ZGPAT: variants seen among roughly 807,000 people sequenced by gnomAD.
ZGPAT encodes zinc finger CCCH-type with G patch domain-containing protein.
Under a neutral mutation model 47.9 loss-of-function variants are expected in ZGPAT, and 39 were observed. The observed-to-expected ratio is 0.81, with a 90% CI of 0.63 to 1.06. The LOEUF (loss-of-function observed/expected upper bound fraction) is 1.06. ZGPAT is among the 50% of genes least tolerant of loss of function. ZGPAT has a pLI of 0.00. For synonymous variants in ZGPAT, 348 were observed against 292.9 expected, an observed-to-expected ratio of 1.19 and a Z score of -1.92; for missense variants, 717 against 681.4, an observed-to-expected ratio of 1.05 and a Z score of -0.58.
rs1369204434 is a variant in ZGPAT, at chr20:63,734,799, C to G, written c.966C>G (p.Thr322=). 2.5e-6 allele frequency: 4 copies of G among 1,606,070 alleles called. No individual in the cohort carries two copies. The highest frequency in any genetic ancestry group is 3.4e-6 in the Non-Finnish European group (4 of 1,176,058). ...GAGGTATAGGCTCCAGACTCCTCAC[C>G]AAGATGGGCTATGAGTTTGGCAAGG... ...HTRGIGSRLL[T]KMGYEFGKGL... The change falls in exon 5 of 7, where the codon ACC becomes ACG. Residue 322 remains threonine (T), a synonymous_variant. Coordinates refer to ENST00000355969, the MANE Select transcript of ZGPAT (RefSeq NM_181485.3).
At chr20:63,735,587 G>A (rs747228687) in intron 6 of ZGPAT, 23 bp downstream of exon 6, 3 of 1,511,944 alleles carry the variant, frequency 2.0e-6, no homozygotes, top group Non-Finnish European at 2.7e-6. Context: ...CCCAGCTCAG[G>A]GCAAAGGGCG....
Position 63,708,125 on chromosome 20 carries a change from C to T in ZGPAT, c.-29+7C>T, listed in dbSNP as rs1363791493. On this transcript the variant is annotated splice_region_variant and intron_variant, in intron 1 of 6. Transcript: ENST00000355969. ...CGCCGGGCCGCTCTAGCCGGTGAGG[C>T]CGGCGGGCTCTCTGTGGCTGCGGCT... is the stretch of plus-strand genomic sequence containing the variant. 6.6e-6 allele frequency: 1 copy of T among 152,192 alleles called. No homozygotes were observed. The highest frequency in any genetic ancestry group is 2.4e-5 in the African/African-American group (1 of 41,446). 9.4% of individuals were successfully genotyped at this position (152,192 alleles called of 1,614,324 possible).
chr20:63,733,971 C>T (rs1169548118), intron 4 of ZGPAT: 9 of 575,684 alleles, frequency 1.6e-5, no homozygotes, highest in East Asian at 6.4e-5. Context: ...AGGCCATGGT[C>T]GTGGCTGTGG....
In ZGPAT at chr20:63,735,234, AGT is replaced by A. The variant is rs763850450; in HGVS notation, c.1073_1074del (p.Val358GlyfsTer38). Reference sequence around the variant, plus strand: ...TTGCCTCGAGGGAAGTCGCTGGACCAGTGTGTGGAGACCCTGCAGAAGCAGAC... The same window carrying A: ...TTGCCTCGAGGGAAGTCGCTGGACCAGTGTGGAGACCCTGCAGAAGCAGAC... On this transcript the variant is annotated frameshift_variant, in exon 6 of 7. Transcript: ENST00000355969. LOFTEE classifies it high-confidence loss of function. 6.3e-7 allele frequency: 1 copy of A among 1,594,934 alleles called. No individual in the cohort carries two copies. The highest frequency in any genetic ancestry group is 8.5e-7 in the Non-Finnish European group (1 of 1,171,304).
chr20:63,724,377 AAAAG>A (rs2091821804), intron 2 of ZGPAT, among the ~76,000 whole-genome samples: 1 of 150,564 alleles, frequency 6.6e-6, no homozygotes, highest in African/African-American at 2.5e-5. Flanking sequence ...AAAAAAAAAA[AAAAG>A]AAAAGAAAAG....
chr20:63,733,007 CATGTGTGT>C (rs1380471970), intron 2 of ZGPAT, among the ~76,000 whole-genome samples: 5 of 142,440 alleles, frequency 3.5e-5, no homozygotes, highest in Non-Finnish European at 7.9e-5. Context: ...TGTATATGTG[CATGTGTGT>C]ATGTGTGCGT....
intron 2 of ZGPAT, among the ~76,000 whole-genome samples, chr20:63,732,808 GTGTGTA>G (rs1214264510): frequency 7.0e-6 from 1 of 143,686 alleles, no homozygotes; most frequent in Non-Finnish European, 1.6e-5. Flanking sequence ...ATGTTTATGC[GTGTGTA>G]TGTGTACTTG....
chr20:63,735,682 G>A, intron 6 of ZGPAT, 99 bp from the exon 7 acceptor site: 1 of 1,528,702 alleles, frequency 6.5e-7, no homozygotes, highest in South Asian at 1.2e-5. Flanking sequence ...GGGTCTGCAT[G>A]TTGGAGGACG....
chr20:63,722,028 A>G (rs2091793807), intron 2 of ZGPAT, among the ~76,000 whole-genome samples: 1 of 151,840 alleles, frequency 6.6e-6, no homozygotes, highest in African/African-American at 2.4e-5. Flanking sequence ...AAAAAAAAAA[A>G]AAAAAATGCC....
At chr20:63,714,063 G>A (rs2091700484) in intron 2 of ZGPAT, among the ~76,000 whole-genome samples, 1 of 151,946 alleles carries the variant, frequency 6.6e-6, no homozygotes, top group Admixed American at 6.6e-5. Context: ...TTTCTAGTTT[G>A]CATGGCATTT....
intron 2 of ZGPAT, among the ~76,000 whole-genome samples, chr20:63,710,341 T>C (rs534000622): frequency 6.9e-6 from 1 of 145,410 alleles, no homozygotes; most frequent in Non-Finnish European, 1.5e-5. Context: ...TTTAGTAGAG[T>C]CGGAGATTCA....
chr20:63,735,755 A>G, intron 6 of ZGPAT, 26 bp from the exon 7 acceptor site: 2 of 1,574,220 alleles, frequency 1.3e-6, no homozygotes, highest in Middle Eastern at 1.8e-4. Context: ...CCAGGACCCC[A>G]CGCTGACTAG....
chr20:63,735,617 C>A, intron 6 of ZGPAT, 53 bp downstream of exon 6: 1 of 1,499,828 alleles, frequency 6.7e-7, no homozygotes. Context: ...GGCCCTGCCC[C>A]CGGGATACAT....
At chr20:63,734,482 C>T (rs1165562774) in intron 4 of ZGPAT, 10 of 821,994 alleles carry the variant, frequency 1.2e-5, no homozygotes, top group Non-Finnish European at 1.7e-5. Context: ...TGCACTCTGC[C>T]TGGTGTCACA....
In ZGPAT at chr20:63,735,655, C is replaced by T. The variant is rs150002197; in HGVS notation, c.1397+91C>T. ...TGGAGGTCACCTGACCCAAGCATAG[C>T]GGGCTGAGTCCAGGAGGGGTCTGCA... On this transcript the variant is annotated intron_variant, in intron 6 of 6. Coordinates refer to ENST00000355969, the MANE Select transcript of ZGPAT (RefSeq NM_181485.3). 2,499 of 1,495,296 alleles carry T rather than the reference C, an allele frequency of 1.7e-3. 43 individuals carry two copies. The South Asian group carries it at 0.019, about 11-fold the overall frequency. 92.6% of individuals were successfully genotyped at this position (1,495,296 alleles called of 1,614,324 possible).
chr20:63,735,909 C>CT lies in ZGPAT; in HGVS notation c.1527dup (p.Glu510Ter). 1.2e-6 allele frequency: 2 copies of CT among 1,612,378 alleles called. No homozygotes were observed. Among genetic ancestry groups the CT allele is most frequent in the Non-Finnish European group, 1.7e-6 (2 of 1,179,668 alleles). ...AAGGCAGACACCCACAAGAAGATGA[C>CT]TGAGTTCTAGAGACCCCACAAGCAC... On this transcript the variant is annotated frameshift_variant, in exon 7 of 7. Transcript: ENST00000355969. LOFTEE classifies it high-confidence loss of function.
chr20:63,735,676 C>T lies in ZGPAT; in HGVS notation c.1398-105C>T, dbSNP rs2091980611. The T allele has an allele frequency of 9.2e-6, 14 of 1,524,166 alleles. No individual in the cohort carries two copies. In the South Asian group the frequency reaches 1.6e-4, roughly 18 times the overall value. The allele number at this position is 1,524,166 out of a possible 1,614,324, so 94.4% of individuals were successfully genotyped here. On this transcript the variant is annotated intron_variant, in intron 6 of 6. Transcript: ENST00000355969. ...ATAGCGGGCTGAGTCCAGGAGGGGT[C>T]TGCATGTTGGAGGACGGGCAGCGGG...
intron 2 of ZGPAT, among the ~76,000 whole-genome samples, chr20:63,722,812 G>A (rs1485693589): frequency 6.6e-6 from 1 of 152,042 alleles, no homozygotes; most frequent in African/African-American, 2.4e-5. Context: ...TGTATTTTTA[G>A]TAGAGATGAG....
intron 2 of ZGPAT, among the ~76,000 whole-genome samples, chr20:63,716,479 C>T (rs1025904328): frequency 2.0e-5 from 3 of 151,434 alleles, no homozygotes; most frequent in Non-Finnish European, 4.4e-5. Flanking sequence ...TCCACTTTCT[C>T]TCTTGGTTTT....
Sources: allele counts gnomAD v4.1 joint callset (sites outside exome capture counted in the v4.1 genomes callset), GRCh38; gene constraint gnomAD v4.1.1; transcripts MANE v1.5; gene names NCBI Gene and HGNC (gene_info 2026-07-23, HGNC 2026-07-21).